OXR1: variants seen among roughly 807,000 people sequenced by gnomAD.
OXR1 encodes oxidation resistance protein 1.
A neutral mutation model predicts 104.6 loss-of-function variants in OXR1; 41 were observed. The ratio of observed to expected loss-of-function variants is 0.39; its 90% CI spans 0.31 to 0.51. The LOEUF is 0.51. OXR1 is among the 20% of genes least tolerant of loss of function. The pLI is 0.77. For synonymous variants in OXR1, 348 were observed against 348.4 expected (o/e 1.00, Z 0.01); for missense variants, 955 against 1,031.9 (o/e 0.93, Z 1.02).
intron 1 of OXR1, among the ~76,000 whole-genome samples, chr8:106,353,258 T>C (rs940149709): frequency 6.6e-6 from 1 of 151,966 alleles, no homozygotes; most frequent in Non-Finnish European, 1.5e-5. Context: ...GTGAGGCAGG[T>C]GAATCGCTTG....
intron 2 of OXR1, among the ~76,000 whole-genome samples, chr8:106,452,438 A>G (rs1820366155): frequency 6.6e-6 from 1 of 152,298 alleles, no homozygotes; most frequent in Admixed American, 6.5e-5. Context: ...GCTCAGAAAT[A>G]GAGTAAGTTT....
In OXR1 at chr8:106,713,901, A is replaced by G. The variant is rs1349389037; in HGVS notation, c.1872A>G (p.Glu624=). 2 of 1,593,218 alleles carry G rather than the reference A, an allele frequency of 1.3e-6. No homozygotes were observed. Among genetic ancestry groups the G allele is most frequent in the Non-Finnish European group, 1.7e-6 (2 of 1,172,696 alleles). The stretch of plus-strand genomic sequence containing the variant: ...AAGATACTGGCGAATATACCAGAGA[A>G]CCTGGATTTATAGTAGTAAAAAAGA... ...YAEDTGEYTR[E]PGFIVVKKIE... is the part of the protein sequence containing the mutation. Residue 624 remains glutamate (E), a synonymous_variant, in exon 11 of 17, where the codon GAA becomes GAG. Transcript: ENST00000517566.
chr8:106,739,264 G>A (rs548992397), intron 12 of OXR1, among the ~76,000 whole-genome samples, 194 bp from the exon 13 acceptor site: 20 of 152,106 alleles, frequency 1.3e-4, no homozygotes, highest in Non-Finnish European at 2.6e-4. Context: ...TGCTTATATT[G>A]TTATAAAATC....
intron 2 of OXR1, among the ~76,000 whole-genome samples, chr8:106,423,334 A>G (rs1421523843): frequency 2.0e-5 from 3 of 152,178 alleles, no homozygotes; most frequent in Non-Finnish European, 4.4e-5. Context: ...TGCAGTCGTC[A>G]ACTATCCTTT....
intron 1 of OXR1, among the ~76,000 whole-genome samples, chr8:106,282,924 T>A (rs1318943578): frequency 6.6e-6 from 1 of 152,254 alleles, no homozygotes; most frequent in Non-Finnish European, 1.5e-5. Flanking sequence ...TAGTTTCATT[T>A]GAAATCCTAT....
intron 2 of OXR1, among the ~76,000 whole-genome samples, chr8:106,412,181 C>A (rs1369440738): frequency 1.3e-5 from 2 of 151,926 alleles, no homozygotes; most frequent in Non-Finnish European, 2.9e-5. Flanking sequence ...TAACATTTGA[C>A]CCTCAATTTT....
chr8:106,382,867 A>G (rs1356426354), intron 2 of OXR1, among the ~76,000 whole-genome samples: 1 of 151,932 alleles, frequency 6.6e-6, no homozygotes, highest in Non-Finnish European at 1.5e-5. Flanking sequence ...TGCAGGTGAA[A>G]TAATTTACCC....
rs117395927 is a variant in OXR1, at chr8:106,274,902, G to A, written c.-139+4535G>A. Among the ~76,000 whole-genome samples, 1,236 of 152,308 alleles carry A rather than the reference G, an allele frequency of 8.1e-3. 9 individuals carry two copies. The highest frequency in any genetic ancestry group is 0.017 in the Middle Eastern group (5 of 294). On this transcript the variant is annotated intron_variant, in intron 1 of 16. Coordinates refer to ENST00000517566, the MANE Select transcript of OXR1 (RefSeq NM_001198533.2). ...TAGAATGCACCTGTCATTGGACTACGTGAAAACCCAATAAATATGGTTTGA... is the reference window on the plus strand; with the variant it reads ...TAGAATGCACCTGTCATTGGACTACATGAAAACCCAATAAATATGGTTTGA...
At chr8:106,591,234 C>G (rs1212308619) in intron 3 of OXR1, among the ~76,000 whole-genome samples, 2 of 131,758 alleles carry the variant, frequency 1.5e-5, no homozygotes, top group African/African-American at 5.9e-5. Flanking sequence ...GGGAATTGAA[C>G]AATGAGAACA....
chr8:106,683,540 G>A (rs1355965804), intron 5 of OXR1, among the ~76,000 whole-genome samples: 1 of 151,960 alleles, frequency 6.6e-6, no homozygotes, highest in Non-Finnish European at 1.5e-5. Flanking sequence ...TAGTTACAAA[G>A]AGCTTTTTAA....
At chr8:106,359,949 C>T (rs1427201886) in intron 2 of OXR1, among the ~76,000 whole-genome samples, 3 of 152,056 alleles carry the variant, frequency 2.0e-5, no homozygotes, top group Non-Finnish European at 2.9e-5. Flanking sequence ...TCCTTGCTAT[C>T]GGTATATTCC....
chr8:106,727,058 T>C (rs1163378745), intron 11 of OXR1, among the ~76,000 whole-genome samples: 1 of 152,194 alleles, frequency 6.6e-6, no homozygotes, highest in Admixed American at 6.5e-5. Flanking sequence ...AATATTAAAA[T>C]TTTAATAGGT....
chr8:106,731,058 T>C (rs567504462), intron 11 of OXR1, among the ~76,000 whole-genome samples: 15 of 152,316 alleles, frequency 9.8e-5, no homozygotes, highest in African/African-American at 2.9e-4. Context: ...ATTTTAGCTT[T>C]TATTTAAATA....
rs1563714061 is a variant in OXR1, at chr8:106,316,732, CTATCT to C, written c.-138-42743_-138-42739del. On this transcript the variant is annotated intron_variant, in intron 1 of 16. Coordinates refer to ENST00000517566, the MANE Select transcript of OXR1 (RefSeq NM_001198533.2). ...ATCTATCTATCATCTATCTATCTAT[CTATCT>C]ATCTATCTATCTATCTATCTATCTA... Among the ~76,000 whole-genome samples the C allele has an allele frequency of 2.2e-3, 261 of 116,324 alleles. 2 individuals carry two copies. The highest frequency in any genetic ancestry group is 6.6e-3 in the African/African-American group (210 of 31,750). The allele number at this position is 116,324 out of a possible 152,430, so 76.3% of individuals were successfully genotyped here. A position where few individuals can be genotyped will look rare whatever the true frequency, so the allele number is the denominator to read the frequency against.
At chr8:106,512,734 G>A (rs1158918978) in intron 2 of OXR1, among the ~76,000 whole-genome samples, 65 of 152,064 alleles carry the variant, frequency 4.3e-4, no homozygotes, top group Non-Finnish European at 1.6e-4. Flanking sequence ...ATGACGTGAG[G>A]GGATGATGAT....
Position 106,303,547 on chromosome 8 carries a change from C to A in OXR1, c.-139+33180C>A, listed in dbSNP as rs1813351244. 2.0e-5 allele frequency among the ~76,000 whole-genome samples: 3 copies of A among 151,924 alleles called. No individual in the cohort carries two copies. In the South Asian group the frequency reaches 6.2e-4, roughly 32 times the overall value. On this transcript the variant is annotated intron_variant, in intron 1 of 16. Transcript: ENST00000517566. Reference sequence around the variant, plus strand: ...GCTACCGAGCCCGGCCGGAACTTGGCAATTTGTATACCTTACTTCATTCAA... The same window carrying A: ...GCTACCGAGCCCGGCCGGAACTTGGAAATTTGTATACCTTACTTCATTCAA...
chr8:106,695,070 T>C (rs1829870093), intron 7 of OXR1, among the ~76,000 whole-genome samples: 1 of 147,576 alleles, frequency 6.8e-6, no homozygotes, highest in Non-Finnish European at 1.5e-5. Context: ...AGTATACTTT[T>C]ATTTCCCCCT....
intron 2 of OXR1, among the ~76,000 whole-genome samples, chr8:106,447,098 T>C (rs1231111465): frequency 6.6e-6 from 1 of 152,220 alleles, no homozygotes. Flanking sequence ...AATTTATAGC[T>C]GAAGACCATG....
intron 2 of OXR1, among the ~76,000 whole-genome samples, chr8:106,363,395 C>T (rs1816329640): frequency 6.6e-6 from 1 of 152,176 alleles, no homozygotes; most frequent in African/African-American, 2.4e-5. Context: ...AATACAAATA[C>T]ACCTCTTGCA....
Sources: gnomAD v4.1 joint callset for allele counts (sites outside exome capture counted in the v4.1 genomes callset) on GRCh38, gnomAD v4.1.1 for gene constraint, MANE v1.5 for transcripts, NCBI Gene and HGNC (gene_info 2026-07-23, HGNC 2026-07-21) for gene names.